Variants in AP4E1 observed in about 807,000 individuals in gnomAD.
AP4E1 encodes the protein adaptor related protein complex 4 subunit epsilon 1, also known as AP-4 complex subunit epsilon-1.
In AP4E1, 56 loss-of-function variants were observed where a neutral mutation model predicts 128.2. That is an observed-to-expected ratio of 0.44 (90% confidence interval 0.35 to 0.55). AP4E1 has a LOEUF of 0.55. AP4E1 is among the 20% of genes least tolerant of loss of function. AP4E1 has a pLI of 0.00. For missense variants in AP4E1, 1,324 were observed against 1,307.7 expected (o/e 1.01, Z -0.19); for synonymous variants, 484 against 473.1 (o/e 1.02, Z -0.30).
intron 14 of AP4E1, among the ~76,000 whole-genome samples, chr15:50,959,211 C>CA (rs139389680): frequency 2.1e-3 from 232 of 112,504 alleles, no homozygotes; most frequent in Middle Eastern, 9.7e-3. Flanking sequence ...AACTCTGTCT[C>CA]AAAAAAAAAA....
At chr15:50,975,747 C>T (rs756638322) in intron 15 of AP4E1, among the ~76,000 whole-genome samples, 1 of 151,978 alleles carries the variant, frequency 6.6e-6, no homozygotes, top group South Asian at 2.1e-4. Flanking sequence ...GCTCTTTTTT[C>T]TCAAGATTAA....
chr15:50,941,634 A>T (rs779018735), intron 9 of AP4E1, 32 bp from the exon 10 acceptor site: 1 of 1,612,084 alleles, frequency 6.2e-7, no homozygotes, highest in Non-Finnish European at 8.5e-7. Flanking sequence ...ATTTGTTTCA[A>T]TTCACTTTGT....
chr15:50,975,518 T>A (rs572197838), intron 15 of AP4E1, among the ~76,000 whole-genome samples: 1 of 152,058 alleles, frequency 6.6e-6, no homozygotes, highest in South Asian at 2.1e-4. Flanking sequence ...TGCATGTGAA[T>A]ATTTGGTTTT....
chr15:50,968,244 T>G lies in AP4E1; in HGVS notation c.1852-19T>G. ...GATAAATTTATTTAATTCCTAATTT[T>G]TGCTTAATTTTAATATAGGTAGATG... On this transcript the variant is annotated intron_variant, in intron 14 of 20. Transcript: ENST00000261842. 1 of 1,520,672 alleles carries G rather than the reference T, an allele frequency of 6.6e-7. No homozygotes were observed. Among genetic ancestry groups the G allele is most frequent in the South Asian group, 1.1e-5 (1 of 87,136 alleles). 94.2% of individuals were successfully genotyped at this position (1,520,672 alleles called of 1,614,324 possible).
At chr15:50,993,891 C>T (rs2064836784) in intron 17 of AP4E1, among the ~76,000 whole-genome samples, 1 of 152,192 alleles carries the variant, frequency 6.6e-6, no homozygotes, top group African/African-American at 2.4e-5. Context: ...AATAAGGTTA[C>T]AGGTATGACC....
intron 16 of AP4E1, among the ~76,000 whole-genome samples, chr15:50,987,611 T>C (rs1367678840): frequency 6.6e-6 from 1 of 152,196 alleles, no homozygotes; most frequent in Non-Finnish European, 1.5e-5. Context: ...AGTTGAGCGG[T>C]TTTGAGTGAG....
At chr15:50,915,146 T>C (rs1375199153) in intron 2 of AP4E1, among the ~76,000 whole-genome samples, 2 of 152,176 alleles carry the variant, frequency 1.3e-5, no homozygotes, top group East Asian at 1.9e-4. Flanking sequence ...GAAGACCCCA[T>C]GTATCACATT....
intron 7 of AP4E1, among the ~76,000 whole-genome samples, chr15:50,932,873 A>G (rs865968763): frequency 2.0e-5 from 3 of 152,198 alleles, no homozygotes; most frequent in African/African-American, 4.8e-5. Context: ...TGTCTTAATT[A>G]TATTTTATTT....
At chr15:50,958,416 A>G (rs1596484241) in intron 13 of AP4E1, 76 bp from the exon 14 acceptor site, 2 of 1,230,322 alleles carry the variant, frequency 1.6e-6, no homozygotes, top group East Asian at 4.8e-5. Context: ...AGCAGTAGGT[A>G]CTTTGTTTAG....
chr15:50,985,765 T>A (rs1173538210), intron 16 of AP4E1, among the ~76,000 whole-genome samples: 1 of 152,216 alleles, frequency 6.6e-6, no homozygotes, highest in Non-Finnish European at 1.5e-5. Context: ...GCTTTGTTCT[T>A]TTGGCTTAGG....
Position 50,956,061 on chromosome 15 carries a change from G to A in AP4E1, c.1549-2431G>A, listed in dbSNP as rs140763888. Among the ~76,000 whole-genome samples, 101 of 152,272 alleles carry A rather than the reference G, an allele frequency of 6.6e-4. 2 individuals carry two copies. In the East Asian group the frequency reaches 0.019, roughly 28 times the overall value. On this transcript the variant is annotated intron_variant, in intron 13 of 20. Transcript: ENST00000261842. Reference sequence around the variant, plus strand: ...TCTGGCTCTCCACATCCAGTCTGAGGTAAATGAGACAACAGATAATGTGCT... The same window carrying A: ...TCTGGCTCTCCACATCCAGTCTGAGATAAATGAGACAACAGATAATGTGCT...
upstream of AP4E1, chr15:50,908,508 A>C: frequency 1.9e-5 from 7 of 367,650 alleles, no homozygotes; most frequent in East Asian, 5.2e-5. Context: ...GTTCTGGGGG[A>C]TTCCGGAACC....
intron 1 of AP4E1, among the ~76,000 whole-genome samples, chr15:50,911,468 C>T (rs1023152907): frequency 6.7e-6 from 1 of 148,576 alleles, no homozygotes; most frequent in African/African-American, 2.5e-5. Flanking sequence ...TCTACTCTCT[C>T]TCCACCTTTA....
intron 15 of AP4E1, among the ~76,000 whole-genome samples, chr15:50,973,666 C>G (rs2064514292): frequency 6.6e-6 from 1 of 152,262 alleles, no homozygotes; most frequent in East Asian, 1.9e-4. Context: ...TGGACCCATG[C>G]AATATTTTTT....
rs2064992904 is a variant in AP4E1, at chr15:51,003,910, T to C, written c.*1248T>C. The C allele has an allele frequency of 6.6e-6, 1 of 152,590 alleles. No individual in the cohort carries two copies. The highest frequency in any genetic ancestry group is 1.5e-5 in the Non-Finnish European group (1 of 68,032). 9.5% of individuals were successfully genotyped at this position (152,590 alleles called of 1,614,324 possible). ...GAATTCTGATTTTAGGTTATCTCAT[T>C]AATCATGGCTGATAAAGAAGCTAAG... On this transcript the variant is annotated 3_prime_UTR_variant, in exon 21 of 21. Transcript: ENST00000261842.
chr15:50,992,407 G>A lies in AP4E1; in HGVS notation c.2091-963G>A, dbSNP rs1393592881. The stretch of plus-strand genomic sequence containing the variant: ...ATGTATTTAAGGTGTGCTATGTGAT[G>A]TTTTGATATACATTGTGAAATGATT... On this transcript the variant is annotated intron_variant, in intron 16 of 20. Coordinates refer to ENST00000261842, the MANE Select transcript of AP4E1 (RefSeq NM_007347.5). Among the ~76,000 whole-genome samples the A allele has an allele frequency of 9.9e-5, 15 of 152,234 alleles. No individual in the cohort carries two copies. In the South Asian group the frequency reaches 2.5e-3, roughly 25 times the overall value.
intron 5 of AP4E1, among the ~76,000 whole-genome samples, chr15:50,926,639 C>T (rs2063772546): frequency 6.6e-6 from 1 of 151,250 alleles, no homozygotes. Flanking sequence ...TGCTCGGTCG[C>T]CCAGGCTGGA....
chr15:50,919,447 A>T (rs1596456559), intron 3 of AP4E1, among the ~76,000 whole-genome samples: 1 of 148,886 alleles, frequency 6.7e-6, no homozygotes, highest in Non-Finnish European at 1.5e-5. Flanking sequence ...CAGGAGAATC[A>T]CTTGAACCTG....
At chr15:50,929,205 C>T (rs1400295245) in intron 6 of AP4E1, 37 bp downstream of exon 6, 17 of 1,587,878 alleles carry the variant, frequency 1.1e-5, no homozygotes, top group Non-Finnish European at 1.3e-5. Context: ...GAGTAGTTAC[C>T]ATTAGAAAAA....
Sources: gnomAD v4.1 joint callset for allele counts (sites outside exome capture counted in the v4.1 genomes callset) on GRCh38, gnomAD v4.1.1 for gene constraint, MANE v1.5 for transcripts, NCBI Gene and HGNC (gene_info 2026-07-23, HGNC 2026-07-21) for gene names.